The following GET1 variants were observed in gnomAD, a reference collection of about 807,000 sequenced individuals.
GET1 encodes congenital heart disease 5 protein.
A neutral mutation model predicts 22.6 loss-of-function variants in GET1; 20 were observed. The observed-to-expected ratio is 0.89, with a 90% confidence interval of 0.62 to 1.29. The LOEUF (loss-of-function observed/expected upper bound fraction) is 1.29. Ranked by LOEUF, GET1 falls within the 50% of genes most tolerant of loss-of-function variation. The pLI, the probability that GET1 is intolerant of heterozygous loss-of-function variation, is 0.00. For missense variants in GET1, 209 were observed against 219.9 expected, an observed-to-expected ratio of 0.95 and a Z score of 0.31; for synonymous variants, 92 against 83.8, an observed-to-expected ratio of 1.10 and a Z score of -0.53.
chr21:39,425,293 G>A lies in GET1; in HGVS notation c.*24-2939G>A, dbSNP rs7276617. On this transcript the variant is annotated intron_variant, in intron 1 of 1. Coordinates refer to the GET1 transcript ENST00000478273. ...TATGTCTGCTCCAGGTGGTGGGAAA[G>A]GCAATTCTACCTGTGATAGAAACAA... 4.2e-3 allele frequency among the ~76,000 whole-genome samples: 646 copies of A among 152,290 alleles called. 6 individuals carry two copies. The highest frequency in any genetic ancestry group is 0.015 in the African/African-American group (609 of 41,560).
exon 5 of GET1, chr21:39,406,054 G>T (rs766837129): frequency 6.2e-7 from 1 of 1,614,214 alleles, no homozygotes; most frequent in East Asian, 2.2e-5. Context: ...ACCAGGACTT[G>T]ATTGGTCAGT....
intron 1 of GET1, among the ~76,000 whole-genome samples, chr21:39,415,455 G>A (rs2040965958): frequency 6.6e-6 from 1 of 152,192 alleles, no homozygotes; most frequent in African/African-American, 2.4e-5. Flanking sequence ...CTCATGTGCT[G>A]TTTCCCACTC....
At chr21:39,422,925 C>G (rs1405544897) in intron 1 of GET1, 2 of 1,544,570 alleles carry the variant, frequency 1.3e-6, no homozygotes, top group Non-Finnish European at 1.8e-6. Flanking sequence ...TTCACACCCT[C>G]TCTCTATTAA....
chr21:39,385,918 C>A, intron 1 of GET1, among the ~76,000 whole-genome samples: 1 of 151,888 alleles, frequency 6.6e-6, no homozygotes, highest in Non-Finnish European at 1.5e-5. Context: ...ACTGTGCAGG[C>A]GCCCTAGGAC....
chr21:39,415,321 T>C (rs2040940113), intron 1 of GET1, among the ~76,000 whole-genome samples: 1 of 152,178 alleles, frequency 6.6e-6, no homozygotes, highest in South Asian at 2.1e-4. Flanking sequence ...GCATAAAATA[T>C]GTAATTTCAA....
At chr21:39,425,133 T>C (rs1353670503) in intron 1 of GET1, among the ~76,000 whole-genome samples, 3 of 152,198 alleles carry the variant, frequency 2.0e-5, no homozygotes, top group African/African-American at 7.2e-5. Context: ...GAAGGAGAAA[T>C]TGAAACTGGA....
chr21:39,417,196 C>G (rs1426018903), intron 1 of GET1, among the ~76,000 whole-genome samples: 1 of 152,108 alleles, frequency 6.6e-6, no homozygotes, highest in Admixed American at 6.6e-5. Context: ...CCACACCTGG[C>G]TAATTTTTTT....
intron 1 of GET1, among the ~76,000 whole-genome samples, chr21:39,417,746 A>G (rs2041480192): frequency 6.6e-6 from 1 of 151,646 alleles, no homozygotes; most frequent in Non-Finnish European, 1.5e-5. Context: ...GCTTCTTTTT[A>G]TTTATTTATT....
At chr21:39,420,422 T>C (rs1200010676) in intron 1 of GET1, among the ~76,000 whole-genome samples, 4 of 135,934 alleles carry the variant, frequency 2.9e-5, no homozygotes, top group African/African-American at 1.1e-4. Context: ...ACTCAGGAGG[T>C]TGAGATAAGA....
chr21:39,416,092 G>C (rs2041102064), intron 1 of GET1, among the ~76,000 whole-genome samples: 1 of 152,114 alleles, frequency 6.6e-6, no homozygotes. Flanking sequence ...CTTCATTATT[G>C]AGTGGAATGC....
At chr21:39,412,273 T>C (rs1043086147) in intron 1 of GET1, among the ~76,000 whole-genome samples, 2 of 152,130 alleles carry the variant, frequency 1.3e-5, no homozygotes, top group Admixed American at 6.6e-5. Flanking sequence ...CACCATCTAA[T>C]AGAAAGTTCT....
chr21:39,405,828 A>C, intron 4 of GET1: 1 of 1,310,406 alleles, frequency 7.6e-7, no homozygotes, highest in Non-Finnish European at 1.0e-6. Flanking sequence ...ATAAGATGCA[A>C]GGCACATAAG....
exon 5 of GET1, chr21:39,406,091 G>C: frequency 6.2e-7 from 1 of 1,614,166 alleles, no homozygotes; most frequent in Non-Finnish European, 8.5e-7. Flanking sequence ...GATCCAAAGA[G>C]TTCTTCCATG....
At chr21:39,411,787 G>T in intron 1 of GET1, 1 of 1,584,920 alleles carries the variant, frequency 6.3e-7, no homozygotes, top group Non-Finnish European at 8.6e-7. Context: ...TTAATTTCAA[G>T]CTCACGATCC....
exon 2 of GET1, chr21:39,428,420 C>T (rs1190884349): frequency 6.2e-7 from 1 of 1,612,302 alleles, no homozygotes; most frequent in Non-Finnish European, 8.5e-7. Context: ...TGCTGCAGAC[C>T]TCCTATTGTT....
At chr21:39,411,024 A>C, downstream of GET1, 4 of 441,060 alleles carry the variant, frequency 9.1e-6, no homozygotes. Flanking sequence ...GAAGAAAAGA[A>C]GACCTCACCA....
intron 1 of GET1, chr21:39,414,098 G>A (rs1327262786): frequency 3.9e-5 from 6 of 152,248 alleles, no homozygotes; most frequent in Admixed American, 1.3e-4. Flanking sequence ...AGTCAGTCAA[G>A]GGAAACAAGA....
At chr21:39,392,300 T>G (rs1315898272) in intron 3 of GET1, among the ~76,000 whole-genome samples, 1 of 152,176 alleles carries the variant, frequency 6.6e-6, no homozygotes, top group Non-Finnish European at 1.5e-5. Flanking sequence ...GGCTTAACCC[T>G]CATAGCCTCT....
At chr21:39,423,329 G>T (rs778163850) in intron 1 of GET1, 15 of 1,612,780 alleles carry the variant, frequency 9.3e-6, no homozygotes, top group Non-Finnish European at 1.3e-5. Flanking sequence ...AATTTATGAT[G>T]CATATCAGCT....
Sources: allele counts gnomAD v4.1 joint callset (sites outside exome capture counted in the v4.1 genomes callset), GRCh38; gene constraint gnomAD v4.1.1; transcripts MANE v1.5; gene names NCBI Gene and HGNC (gene_info 2026-07-23, HGNC 2026-07-21).